Variants in XPNPEP1 observed in about 807,000 individuals in gnomAD.
XPNPEP1 encodes X-prolyl aminopeptidase 1, also known as xaa-Pro aminopeptidase 1.
XPNPEP1 carries 39 observed loss-of-function variants against 92.4 expected under a neutral mutation model. The ratio of observed to expected loss-of-function variants is 0.42; its 90% CI spans 0.33 to 0.55. The LOEUF (loss-of-function observed/expected upper bound fraction) is 0.55. Among genes scored for constraint, XPNPEP1 ranks in the 20% least tolerant of loss-of-function variants. XPNPEP1 has a pLI of 0.08. For synonymous variants in XPNPEP1, 307 were observed against 299.4 expected, an observed-to-expected ratio of 1.03 and a Z score of -0.26; for missense variants, 654 against 856.1, an observed-to-expected ratio of 0.76 and a Z score of 2.95.
At position 109,918,535 on chromosome 10, in the gene XPNPEP1, G is replaced by A. The variant is rs1426664984; in HGVS notation, c.33-3436C>T. Among the ~76,000 whole-genome samples, 5 of 152,312 alleles carry A rather than the reference G, an allele frequency of 3.3e-5. No homozygotes were observed. In the East Asian group the frequency reaches 7.7e-4, roughly 24 times the overall value. On this transcript the variant is annotated intron_variant, in intron 1 of 20. Transcript: ENST00000502935. ...CCAGCACTTTGGGAGGCCGAGGTGGGCAGATCACGAGGTCAGGAGATCCAG... is the reference window on the plus strand; with the variant it reads ...CCAGCACTTTGGGAGGCCGAGGTGGACAGATCACGAGGTCAGGAGATCCAG...
At chr10:109,866,547 A>G (rs1159428099) in intron 20 of XPNPEP1, among the ~76,000 whole-genome samples, 1 of 152,202 alleles carries the variant, frequency 6.6e-6, no homozygotes, top group African/African-American at 2.4e-5. Context: ...CCAAACGCCC[A>G]TGGCCCTTTT....
Position 109,887,911 on chromosome 10 carries a change from T to C in XPNPEP1, c.652+138A>G, listed in dbSNP as rs554172752. On this transcript the variant is annotated intron_variant, in intron 7 of 20. Transcript: ENST00000502935. ...AACAAAGCTCCTGCTTCTTCAAATATCCCACTGGGGCAGAGTAGGGCAAAA... is the reference window on the plus strand; with the variant it reads ...AACAAAGCTCCTGCTTCTTCAAATACCCCACTGGGGCAGAGTAGGGCAAAA... The C allele has an allele frequency of 1.1e-5, 13 of 1,198,912 alleles. No homozygotes were observed. The African/African-American group carries it at 1.1e-4, about 10-fold the overall frequency. The allele number at this position is 1,198,912 out of a possible 1,614,324, so 74.3% of individuals were successfully genotyped here.
chr10:109,915,209 A>G, intron 1 of XPNPEP1, 110 bp from the exon 2 acceptor site: 1 of 518,460 alleles, frequency 1.9e-6, no homozygotes, highest in East Asian at 3.4e-5. Flanking sequence ...ATGAGTCAGA[A>G]GAACTTTCAC....
At chr10:109,873,563 A>C in intron 15 of XPNPEP1, 136 bp from the exon 16 acceptor site, 4 of 966,872 alleles carry the variant, frequency 4.1e-6, no homozygotes, top group Non-Finnish European at 6.4e-6. Flanking sequence ...CATCTTTGCA[A>C]ATAGTTCGCA....
At chr10:109,919,771 C>T (rs1337923470) in intron 1 of XPNPEP1, among the ~76,000 whole-genome samples, 1 of 152,202 alleles carries the variant, frequency 6.6e-6, no homozygotes, top group Non-Finnish European at 1.5e-5. Context: ...CGGTAGCTCA[C>T]GCCTGTAATC....
At position 109,883,868 on chromosome 10, in the gene XPNPEP1, T is replaced by G. The variant is rs186037428; in HGVS notation, c.830+199A>C. ...ACACTTTCATGCGTTTCAAACCATT[T>G]TGGGGGCTCAAAGAGAGGCAGGATA... On this transcript the variant is annotated intron_variant, in intron 9 of 20. Coordinates refer to ENST00000502935, the MANE Select transcript of XPNPEP1 (RefSeq NM_020383.4). 1.1e-3 allele frequency: 594 copies of G among 521,538 alleles called. 4 individuals carry two copies. Among genetic ancestry groups the G allele is most frequent in the East Asian group, 8.6e-3 (266 of 31,058 alleles). The allele number at this position is 521,538 out of a possible 1,614,324, so 32.3% of individuals were successfully genotyped here.
At chr10:109,914,262 C>T (rs1205084331) in intron 2 of XPNPEP1, among the ~76,000 whole-genome samples, 2 of 152,102 alleles carry the variant, frequency 1.3e-5, no homozygotes, top group Non-Finnish European at 2.9e-5. Context: ...AAAGACTTTC[C>T]TAAATGCACA....
At chr10:109,914,870 G>T (rs1161499325) in intron 2 of XPNPEP1, 141 bp downstream of exon 2, 2 of 431,572 alleles carry the variant, frequency 4.6e-6, no homozygotes, top group Admixed American at 4.3e-5. Context: ...AAATAAAATG[G>T]TTTTTAACTT....
chr10:109,917,337 T>C (rs1396766484), intron 1 of XPNPEP1, among the ~76,000 whole-genome samples: 1 of 152,184 alleles, frequency 6.6e-6, no homozygotes, highest in African/African-American at 2.4e-5. Flanking sequence ...TCTATATCCT[T>C]GTAATGAGCA....
intron 2 of XPNPEP1, among the ~76,000 whole-genome samples, chr10:109,911,308 GGT>G (rs1185221311): frequency 6.6e-6 from 1 of 152,044 alleles, no homozygotes; most frequent in Non-Finnish European, 1.5e-5. Context: ...GGGGAGACGG[GGT>G]CTTACTACAT....
chr10:109,916,696 A>G (rs901409209), intron 1 of XPNPEP1, among the ~76,000 whole-genome samples: 2 of 152,218 alleles, frequency 1.3e-5, no homozygotes, highest in Admixed American at 1.3e-4. Context: ...AGACACCCCA[A>G]TATGTCTTCT....
chr10:109,905,835 G>T (rs1036834233), intron 3 of XPNPEP1, among the ~76,000 whole-genome samples: 1 of 152,200 alleles, frequency 6.6e-6, no homozygotes, highest in Non-Finnish European at 1.5e-5. Flanking sequence ...AACACACACA[G>T]TTTGGGGAAC....
intron 1 of XPNPEP1, 82 bp from the exon 2 acceptor site, chr10:109,915,181 A>C: frequency 1.4e-6 from 1 of 722,290 alleles, no homozygotes; most frequent in Non-Finnish European, 2.1e-6. Context: ...GCATCGCTTA[A>C]CTTAGCAGTT....
chr10:109,910,409 T>C (rs1391016952), intron 2 of XPNPEP1, among the ~76,000 whole-genome samples: 1 of 152,010 alleles, frequency 6.6e-6, no homozygotes, highest in Non-Finnish European at 1.5e-5. Context: ...CTGGGCATGG[T>C]GGCACATGTC....
intron 2 of XPNPEP1, among the ~76,000 whole-genome samples, chr10:109,911,281 A>G (rs1389031223): frequency 6.6e-6 from 1 of 152,104 alleles, no homozygotes; most frequent in Non-Finnish European, 1.5e-5. Context: ...TCAGAGGGGC[A>G]TTCTTTTTTT....
At position 109,880,255 on chromosome 10, in the gene XPNPEP1, G is replaced by A. The variant is rs747031279; in HGVS notation, c.1132-17C>T. 2 of 1,613,380 alleles carry A rather than the reference G, an allele frequency of 1.2e-6. No homozygotes were observed. Among genetic ancestry groups the A allele is most frequent in the Non-Finnish European group, 1.7e-6 (2 of 1,179,902 alleles). ...ATCTTTAATCTGTGCAAACAATGGA[G>A]ACATTTTTTAAGTTATCACTGAAAA... On this transcript the variant is annotated splice_polypyrimidine_tract_variant and intron_variant, in intron 11 of 20. Transcript: ENST00000502935.
chr10:109,901,191 C>T (rs1044764645), intron 3 of XPNPEP1, among the ~76,000 whole-genome samples: 2 of 146,542 alleles, frequency 1.4e-5, no homozygotes, highest in African/African-American at 5.1e-5. Flanking sequence ...GGACAGAAAA[C>T]CAAACACCGC....
chr10:109,923,390 G>A lies in XPNPEP1; in HGVS notation c.32+12C>T, dbSNP rs1201000596. On this transcript the variant is annotated intron_variant, in intron 1 of 20. Transcript: ENST00000502935. ...GCTGCCCGGACGCCGGCTGCCGGCG[G>A]AGTGCCCTCACCTTACTCGCGGTGG... 2.1e-6 allele frequency: 3 copies of A among 1,433,554 alleles called. No homozygotes were observed. Among genetic ancestry groups the A allele is most frequent in the South Asian group, 1.3e-5 (1 of 75,876 alleles). 88.8% of individuals were successfully genotyped at this position (1,433,554 alleles called of 1,614,324 possible). A position where few individuals can be genotyped will look rare whatever the true frequency, so the allele number is the denominator to read the frequency against.
chr10:109,893,199 T>C, intron 3 of XPNPEP1, 124 bp from the exon 4 acceptor site: 1 of 796,238 alleles, frequency 1.3e-6, no homozygotes, highest in Non-Finnish European at 2.0e-6. Context: ...GCCCCCGCCC[T>C]CAAGAAGCCA....
Sources: gnomAD v4.1 joint callset for allele counts (sites outside exome capture counted in the v4.1 genomes callset) on GRCh38, gnomAD v4.1.1 for gene constraint, MANE v1.5 for transcripts, NCBI Gene and HGNC (gene_info 2026-07-23, HGNC 2026-07-21) for gene names.